PPP6R3: variants seen among roughly 807,000 people sequenced by gnomAD.
The protein encoded by PPP6R3 is serine/threonine-protein phosphatase 6 regulatory subunit 3.
A neutral mutation model predicts 110.7 loss-of-function variants in PPP6R3; 38 were observed. That is an observed-to-expected ratio of 0.34 (90% confidence interval 0.26 to 0.45). The LOEUF (loss-of-function observed/expected upper bound fraction) is 0.45, where lower values mean the gene tolerates loss of function less well. PPP6R3 is among the 20% of genes least tolerant of loss of function. PPP6R3 has a pLI of 1.00. For missense variants in PPP6R3, 870 were observed against 1,062.4 expected, an observed-to-expected ratio of 0.82 and a Z score of 2.52; for synonymous variants, 369 against 373.5, an observed-to-expected ratio of 0.99 and a Z score of 0.14.
chr11:68,542,510 C>A (rs1218398531), intron 3 of PPP6R3, among the ~76,000 whole-genome samples: 1 of 148,382 alleles, frequency 6.7e-6, no homozygotes, highest in Non-Finnish European at 1.5e-5. Flanking sequence ...TCCTGTGCCT[C>A]AGCCTCCTGA....
intron 7 of PPP6R3, among the ~76,000 whole-genome samples, chr11:68,557,402 G>A (rs1327370431): frequency 6.6e-6 from 1 of 152,226 alleles, no homozygotes. Context: ...CTGGTGTACA[G>A]TACACTGAAC....
chr11:68,613,695 A>ATTGTT lies in PPP6R3; in HGVS notation c.*581_*585dup. The ATTGTT allele has an allele frequency of 1.0e-6, 1 of 983,488 alleles. No homozygotes were observed. The highest frequency in any genetic ancestry group is 1.2e-6 in the Non-Finnish European group (1 of 827,802). The allele number at this position is 983,488 out of a possible 1,614,324, so 60.9% of individuals were successfully genotyped here. On this transcript the variant is annotated 3_prime_UTR_variant, in exon 24 of 24. Coordinates refer to ENST00000393800, the MANE Select transcript of PPP6R3 (RefSeq NM_001164161.2). The stretch of plus-strand genomic sequence containing the variant: ...TTTTATAACCAGTTTTTGATTGGTA[A>ATTGTT]TTGTTTTCTGTATTGTTTAAAACGG...
At chr11:68,561,274 C>T (rs2099418715) in intron 8 of PPP6R3, among the ~76,000 whole-genome samples, 1 of 152,108 alleles carries the variant, frequency 6.6e-6, no homozygotes, top group Non-Finnish European at 1.5e-5. Flanking sequence ...TTTTTTTCCA[C>T]CTTTTTTTAG....
chr11:68,561,112 C>T (rs1377125829), intron 8 of PPP6R3, among the ~76,000 whole-genome samples: 1 of 152,094 alleles, frequency 6.6e-6, no homozygotes, highest in African/African-American at 2.4e-5. Context: ...TGGTCTCGAT[C>T]TCCTGACCTT....
chr11:68,534,871 A>G (rs1445608661), intron 2 of PPP6R3, among the ~76,000 whole-genome samples: 1 of 152,218 alleles, frequency 6.6e-6, no homozygotes, highest in African/African-American at 2.4e-5. Context: ...GCCCTCAGAC[A>G]GCGAACCACT....
intron 1 of PPP6R3, among the ~76,000 whole-genome samples, chr11:68,496,681 C>T (rs2099018106): frequency 6.6e-6 from 1 of 151,972 alleles, no homozygotes; most frequent in Non-Finnish European, 1.5e-5. Context: ...CCATGTTGGC[C>T]AGGCTGGTCT....
rs181363155 is a variant in PPP6R3, at chr11:68,586,621, G to A, written c.1633-1306G>A. The A allele has an allele frequency of 1.1e-4, 17 of 152,394 alleles. No individual in the cohort carries two copies. In the East Asian group the frequency reaches 2.9e-3, roughly 26 times the overall value. 9.4% of individuals were successfully genotyped at this position (152,394 alleles called of 1,614,324 possible). On this transcript the variant is annotated intron_variant, in intron 15 of 23. Coordinates refer to ENST00000393800, the MANE Select transcript of PPP6R3 (RefSeq NM_001164161.2). The stretch of plus-strand genomic sequence containing the variant: ...GCTGTTGTCTTGCATGAGCGACAAG[G>A]GAGGTTTTGGGTTCTCTCTGTCTAG...
intron 1 of PPP6R3, among the ~76,000 whole-genome samples, chr11:68,490,002 AACT>A (rs2098973773): frequency 6.6e-6 from 1 of 152,152 alleles, no homozygotes; most frequent in African/African-American, 2.4e-5. Flanking sequence ...ATTTTGAACA[AACT>A]ACTTTTAATT....
chr11:68,521,576 G>C (rs377513685), intron 2 of PPP6R3, among the ~76,000 whole-genome samples: 3 of 152,174 alleles, frequency 2.0e-5, no homozygotes, highest in Admixed American at 6.5e-5. Flanking sequence ...ATCAATGCCA[G>C]GTGGTTAGGA....
rs116950591 is a variant in PPP6R3, at chr11:68,589,643, G to A, written c.1731-1017G>A. Among the ~76,000 whole-genome samples the A allele has an allele frequency of 4.5e-3, 679 of 152,334 alleles. 3 individuals are homozygous for A. Among genetic ancestry groups the A allele is most frequent in the Non-Finnish European group, 7.6e-3 (517 of 68,034 alleles). On this transcript the variant is annotated intron_variant, in intron 16 of 23. Transcript: ENST00000393800. ...GGATGATGATTCTCACAGGAGACAC[G>A]GTTATGCCACAGACACCCAGTATCT...
chr11:68,523,914 C>T (rs1383352570), intron 2 of PPP6R3, among the ~76,000 whole-genome samples: 2 of 152,130 alleles, frequency 1.3e-5, no homozygotes, highest in African/African-American at 4.8e-5. Flanking sequence ...GTTTCCAGAG[C>T]AGTGGAGAAT....
intron 1 of PPP6R3, among the ~76,000 whole-genome samples, chr11:68,469,100 G>A (rs1306568446): frequency 6.6e-6 from 1 of 152,182 alleles, no homozygotes; most frequent in East Asian, 1.9e-4. Flanking sequence ...GGACCAGTTA[G>A]TAAATATTTT....
chr11:68,475,828 T>TCC (rs1348857168), intron 1 of PPP6R3, among the ~76,000 whole-genome samples: 121 of 128,716 alleles, frequency 9.4e-4, no homozygotes, highest in African/African-American at 3.3e-3. Context: ...TCAGACGGGG[T>TCC]GGCCGGGCAG....
chr11:68,585,453 A>T (rs1398340914), intron 15 of PPP6R3, among the ~76,000 whole-genome samples: 1 of 152,190 alleles, frequency 6.6e-6, no homozygotes, highest in Non-Finnish European at 1.5e-5. Context: ...AGTGACTTGA[A>T]CAGTTTCTGA....
At chr11:68,474,200 A>T (rs1314472887) in intron 1 of PPP6R3, among the ~76,000 whole-genome samples, 2 of 152,062 alleles carry the variant, frequency 1.3e-5, no homozygotes, top group African/African-American at 4.8e-5. Context: ...ACACACCACC[A>T]TGCCTGGCTA....
chr11:68,511,299 T>TCA (rs2099107984), intron 1 of PPP6R3, among the ~76,000 whole-genome samples: 1 of 151,866 alleles, frequency 6.6e-6, no homozygotes, highest in South Asian at 2.1e-4. Context: ...ACTCCTGACC[T>TCA]TGTGATCCGC....
At chr11:68,521,904 G>A (rs944412612) in intron 2 of PPP6R3, among the ~76,000 whole-genome samples, 1 of 152,090 alleles carries the variant, frequency 6.6e-6, no homozygotes, top group African/African-American at 2.4e-5. Context: ...AGTCAGAGTT[G>A]CTCCCATCAA....
In PPP6R3 at chr11:68,537,728, G is replaced by A. The variant is rs751544889; in HGVS notation, c.64G>A (p.Val22Ile). ...HIDTLLERED[V>I]TLKELMDEED... The stretch of plus-strand genomic sequence containing the variant: ...AGACACACTTCTAGAAAGAGAAGAT[G>A]TAACACTGAAGGAGTTAATGGATGA... Residue 22 changes from valine to isoleucine, a missense_variant, in exon 3 of 24, where the codon GTA (valine) becomes ATA (isoleucine). Transcript: ENST00000393800. 3 of 1,613,368 alleles carry A rather than the reference G, an allele frequency of 1.9e-6. No homozygotes were observed. Among genetic ancestry groups the A allele is most frequent in the South Asian group, 2.2e-5 (2 of 91,064 alleles).
At chr11:68,484,787 A>G (rs2098936023) in intron 1 of PPP6R3, among the ~76,000 whole-genome samples, 1 of 152,038 alleles carries the variant, frequency 6.6e-6, no homozygotes, top group Non-Finnish European at 1.5e-5. Context: ...GGGTTTCACC[A>G]TGTTGGTCAG....
Sources: allele counts gnomAD v4.1 joint callset (sites outside exome capture counted in the v4.1 genomes callset), GRCh38; gene constraint gnomAD v4.1.1; transcripts MANE v1.5; gene names NCBI Gene and HGNC (gene_info 2026-07-23, HGNC 2026-07-21).